ADAMTSL1: variants seen among roughly 807,000 people sequenced by gnomAD.
ADAMTSL1 encodes the protein ADAMTS like 1, also known as ADAMTS-like protein 1.
A neutral mutation model predicts 201.8 loss-of-function variants in ADAMTSL1; 126 were observed. The observed-to-expected ratio is 0.62, with a 90% CI of 0.54 to 0.72. ADAMTSL1 has a LOEUF of 0.72. ADAMTSL1 is among the 30% of genes least tolerant of loss of function. The pLI, the probability that ADAMTSL1 is intolerant of heterozygous loss-of-function variation, is 0.00. For missense variants in ADAMTSL1, 2,679 were observed against 2,277.8 expected (o/e 1.18, Z -3.59); for synonymous variants, 1,121 against 903.4 (o/e 1.24, Z -4.32).
intron 2 of ADAMTSL1, among the ~76,000 whole-genome samples, chr9:18,404,648 C>G (rs911634190): frequency 6.6e-6 from 1 of 152,162 alleles, no homozygotes; most frequent in Non-Finnish European, 1.5e-5. Flanking sequence ...TAGTTTTTCT[C>G]CTCTCTCACC....
chr9:18,776,460 C>T lies in ADAMTSL1; in HGVS notation c.2552-321C>T, dbSNP rs572339483. Among the ~76,000 whole-genome samples, 102 of 152,312 alleles carry T rather than the reference C, an allele frequency of 6.7e-4. 3 individuals carry two copies. In the South Asian group the frequency reaches 0.019, roughly 29 times the overall value. ...GGATCCCCCTCCATCTAGAACTCTG[C>T]ATCTCAGCTTCTAGGAGCAACAAGG... On this transcript the variant is annotated intron_variant, in intron 18 of 28. Coordinates refer to ENST00000380548, the MANE Select transcript of ADAMTSL1 (RefSeq NM_001040272.6).
Position 18,317,883 on chromosome 9 carries a change from A to G in ADAMTSL1, c.207+153902A>G, listed in dbSNP as rs114691675. Reference sequence around the variant, plus strand: ...GAATTTTCCTCTAATCCCAGCGCCTAGAGAACCGGATTTAGCCAGCTCTTT... The same window carrying G: ...GAATTTTCCTCTAATCCCAGCGCCTGGAGAACCGGATTTAGCCAGCTCTTT... On this transcript the variant is annotated intron_variant, in intron 2 of 29. Coordinates refer to the ADAMTSL1 transcript ENST00000680146. Among the ~76,000 whole-genome samples, 841 of 152,330 alleles carry G rather than the reference A, an allele frequency of 5.5e-3. 8 individuals are homozygous for G. The highest frequency in any genetic ancestry group is 0.02 in the African/African-American group (812 of 41,586).
intron 1 of ADAMTSL1, among the ~76,000 whole-genome samples, chr9:18,092,980 A>G (rs531202738): frequency 4.6e-5 from 7 of 152,268 alleles, no homozygotes; most frequent in South Asian, 2.1e-4. Flanking sequence ...TTGGGGCTCA[A>G]TCGTAGCTGA....
rs887796082 is a variant in ADAMTSL1 at position 18,490,354 on chromosome 9, G to A, written c.64-14475G>A. On this transcript the variant is annotated intron_variant, in intron 1 of 28. Transcript: ENST00000380548. ...GGGAGGGAGAGGGGGTAGGTGAAGG[G>A]GATGAGGAGGAAGACAGAGGAGGCT... 3.3e-5 allele frequency among the ~76,000 whole-genome samples: 5 copies of A among 152,146 alleles called. No individual in the cohort carries two copies. In the East Asian group the frequency reaches 9.7e-4, roughly 29 times the overall value.
In ADAMTSL1 at chr9:18,795,406, A is replaced by G; in HGVS notation, c.3687A>G (p.Leu1229=). 6.2e-7 allele frequency: 1 copy of G among 1,613,882 alleles called. No individual in the cohort carries two copies. Among genetic ancestry groups the G allele is most frequent in the Non-Finnish European group, 8.5e-7 (1 of 1,179,822 alleles). The change falls in exon 20 of 29, where the codon CTA becomes CTG. Residue 1229 remains leucine, a synonymous_variant. Coordinates refer to ENST00000380548, the MANE Select transcript of ADAMTSL1 (RefSeq NM_001040272.6). ...EEVQFSDRIL[L]QPDDSLQILA... is the part of the protein sequence containing the mutation. ...TTTTCTGTCGCTCCAGGATTCTTCT[A>G]CAGCCAGATGATTCCTTACAGATCT...
intron 4 of ADAMTSL1, among the ~76,000 whole-genome samples, chr9:18,606,233 G>C (rs1029296611): frequency 3.3e-5 from 5 of 152,104 alleles, no homozygotes; most frequent in African/African-American, 1.2e-4. Flanking sequence ...CCAAGCTATA[G>C]GCAAGCATTG....
intron 23 of ADAMTSL1, among the ~76,000 whole-genome samples, chr9:18,879,373 C>T (rs1309433937): frequency 6.6e-6 from 1 of 152,168 alleles, no homozygotes; most frequent in Non-Finnish European, 1.5e-5. Flanking sequence ...TTCACAGTAA[C>T]AACACCAGGA....
intron 1 of ADAMTSL1, among the ~76,000 whole-genome samples, chr9:18,040,239 C>T (rs531030252): frequency 7.7e-4 from 117 of 152,190 alleles, no homozygotes; most frequent in Non-Finnish European, 1.5e-3. Context: ...TAACCTGGCT[C>T]TGTTTTCCCC....
intron 2 of ADAMTSL1, among the ~76,000 whole-genome samples, chr9:18,169,411 G>A (rs568785740): frequency 1.2e-3 from 177 of 152,118 alleles, no homozygotes; most frequent in African/African-American, 4.0e-3. Context: ...GTTTTTGTCA[G>A]GTTTGCCAAA....
At chr9:18,811,022 AAAAAAAAAAAAAAC>A (rs1160369403) in intron 20 of ADAMTSL1, among the ~76,000 whole-genome samples, 4 of 149,526 alleles carry the variant, frequency 2.7e-5, no homozygotes, top group African/African-American at 9.8e-5. Flanking sequence ...CAAAAAAAAA[AAAAAAAAAAAAAAC>A]AAACACCAGC....
At chr9:18,813,071 G>T (rs962142962) in intron 20 of ADAMTSL1, among the ~76,000 whole-genome samples, 4 of 150,502 alleles carry the variant, frequency 2.7e-5, no homozygotes, top group African/African-American at 4.9e-5. Flanking sequence ...TGGTTCAAGT[G>T]ATTCTCCTGC....
chr9:18,012,284 G>A (rs1820084128), intron 1 of ADAMTSL1, among the ~76,000 whole-genome samples: 1 of 151,998 alleles, frequency 6.6e-6, no homozygotes, highest in Non-Finnish European at 1.5e-5. Context: ...CCACTTTTAT[G>A]AAAAAGTTGC....
At chr9:18,403,156 C>T (rs12353361) in intron 2 of ADAMTSL1, among the ~76,000 whole-genome samples, 1,895 of 148,578 alleles carry the variant, frequency 0.013, 36 homozygotes, top group African/African-American at 0.046. Flanking sequence ...TTCTTGTAAT[C>T]TTTTTTTTTT....
intron 23 of ADAMTSL1, among the ~76,000 whole-genome samples, chr9:18,877,939 G>T (rs577791179): frequency 6.6e-6 from 1 of 152,286 alleles, no homozygotes; most frequent in African/African-American, 2.4e-5. Flanking sequence ...TCCTTGGGTG[G>T]GGCTTGCTGG....
chr9:18,255,336 G>A (rs540755400), intron 2 of ADAMTSL1, among the ~76,000 whole-genome samples: 2 of 151,382 alleles, frequency 1.3e-5, no homozygotes, highest in African/African-American at 4.8e-5. Flanking sequence ...TTTAAATCAT[G>A]TGTGTATGCT....
intron 1 of ADAMTSL1, among the ~76,000 whole-genome samples, chr9:17,992,362 T>C (rs765567013): frequency 4.6e-5 from 7 of 152,196 alleles, no homozygotes; most frequent in Non-Finnish European, 8.8e-5. Context: ...TTGTAAAATA[T>C]ATTCAATGCC....
At chr9:18,182,180 G>C (rs201428865) in intron 2 of ADAMTSL1, among the ~76,000 whole-genome samples, 28 of 151,074 alleles carry the variant, frequency 1.9e-4, no homozygotes, top group East Asian at 1.4e-3. Flanking sequence ...GGAGATATAC[G>C]TAATGCTAGA....
rs1157950306 is a variant in ADAMTSL1 at position 18,486,393 on chromosome 9, G to A, written c.63+12098G>A. Among the ~76,000 whole-genome samples, 3 of 152,302 alleles carry A rather than the reference G, an allele frequency of 2.0e-5. No individual in the cohort carries two copies. In the South Asian group the frequency reaches 6.2e-4, roughly 32 times the overall value. ...CACTCTCAGCGAGCTTTTAAAAATA[G>A]AGGCTATTTCAAAAGGGCAATCCTG... On this transcript the variant is annotated intron_variant, in intron 1 of 28. Transcript: ENST00000380548.
chr9:17,922,908 G>A (rs986787328), intron 1 of ADAMTSL1, among the ~76,000 whole-genome samples: 1 of 152,178 alleles, frequency 6.6e-6, no homozygotes, highest in African/African-American at 2.4e-5. Flanking sequence ...GGAATGATCA[G>A]AGACATAGGG....
Sources: allele counts gnomAD v4.1 joint callset (sites outside exome capture counted in the v4.1 genomes callset), GRCh38; gene constraint gnomAD v4.1.1; transcripts MANE v1.5; gene names NCBI Gene and HGNC (gene_info 2026-07-23, HGNC 2026-07-21).